TP63: variants seen among roughly 807,000 people sequenced by gnomAD.
The protein encoded by TP63 is tumor protein 63.
A neutral mutation model predicts 82.8 loss-of-function variants in TP63; 17 were observed. That is an observed-to-expected ratio of 0.21 (90% CI 0.14 to 0.31). The LOEUF is 0.31. TP63 is among the 10% of genes least tolerant of loss of function. TP63 has a pLI of 1.00. For synonymous variants in TP63, 330 were observed against 321.7 expected (o/e 1.03, Z -0.28); for missense variants, 648 against 895.3 (o/e 0.72, Z 3.52).
At chr3:189,694,824 G>T (rs79224093) in intron 1 of TP63, among the ~76,000 whole-genome samples, 3 of 21,238 alleles carry the variant, frequency 1.4e-4, no homozygotes, top group South Asian at 1.5e-3. Flanking sequence ...TTTTTTTTTT[G>T]AGACAGAGTC....
At chr3:189,691,874 G>T (rs79931736) in intron 1 of TP63, among the ~76,000 whole-genome samples, 1 of 152,024 alleles carries the variant, frequency 6.6e-6, no homozygotes, top group African/African-American at 2.4e-5. Flanking sequence ...ATAGAATATC[G>T]TACCTAGAAC....
At chr3:189,839,040 T>TAAAAAAAAAAAAAA (rs5855274) in intron 4 of TP63, among the ~76,000 whole-genome samples, 34 of 88,568 alleles carry the variant, frequency 3.8e-4, no homozygotes, top group African/African-American at 8.6e-4. Flanking sequence ...TATCCTAAGC[T>TAAAAAAAAAAAAAA]AAAAAAAAAA....
intron 4 of TP63, among the ~76,000 whole-genome samples, chr3:189,854,382 C>G (rs781414248): frequency 2.6e-5 from 4 of 152,074 alleles, no homozygotes; most frequent in Non-Finnish European, 4.4e-5. Context: ...AGACATGTGC[C>G]ACCACGCCCA....
chr3:189,714,805 T>G (rs1718841103), intron 1 of TP63, among the ~76,000 whole-genome samples: 1 of 152,168 alleles, frequency 6.6e-6, no homozygotes, highest in African/African-American at 2.4e-5. Flanking sequence ...GACATACATG[T>G]ACACATTCAT....
chr3:189,683,631 A>G, intron 1 of TP63, among the ~76,000 whole-genome samples: 1 of 152,178 alleles, frequency 6.6e-6, no homozygotes, highest in East Asian at 1.9e-4. Context: ...TATCATATTT[A>G]GCATATTGAA....
At chr3:189,698,733 CATT>C (rs1717581227) in intron 1 of TP63, among the ~76,000 whole-genome samples, 1 of 152,124 alleles carries the variant, frequency 6.6e-6, no homozygotes, top group Non-Finnish European at 1.5e-5. Context: ...TTCTTTAGCT[CATT>C]GTTGTTCACA....
At chr3:189,774,217 C>T (rs1016825996) in intron 3 of TP63, among the ~76,000 whole-genome samples, 10 of 152,058 alleles carry the variant, frequency 6.6e-5, no homozygotes, top group Non-Finnish European at 1.2e-4. Flanking sequence ...CCACCACGCC[C>T]GGCCGTATTC....
chr3:189,757,996 A>G (rs1437742435), intron 3 of TP63, among the ~76,000 whole-genome samples: 1 of 152,172 alleles, frequency 6.6e-6, no homozygotes, highest in East Asian at 1.9e-4. Flanking sequence ...ATGACCTTCT[A>G]GGAACATTCA....
intron 1 of TP63, among the ~76,000 whole-genome samples, chr3:189,729,842 T>C (rs1394307344): frequency 6.6e-6 from 1 of 152,218 alleles, no homozygotes; most frequent in Non-Finnish European, 1.5e-5. Context: ...TCCAGGGTCC[T>C]TGGGCACTGT....
At chr3:189,848,239 T>TTCTTCTCTCTCTCTCTCTCTC in intron 4 of TP63, among the ~76,000 whole-genome samples, 1 of 96,026 alleles carries the variant, frequency 1.0e-5, no homozygotes, top group South Asian at 4.2e-4. Flanking sequence ...CTCCTCCTCC[T>TTCTTCTCTCTCTCTCTCTCTC]TCTCTCTCTC....
the TP63 span, among the ~76,000 whole-genome samples, chr3:189,612,942 A>G: frequency 6.6e-6 from 1 of 152,242 alleles, no homozygotes; most frequent in East Asian, 1.9e-4. Context: ...GCAGCAAAGC[A>G]TTCAAGAGGT....
the TP63 span, among the ~76,000 whole-genome samples, chr3:189,625,785 T>C: frequency 4.6e-5 from 7 of 151,840 alleles, no homozygotes; most frequent in African/African-American, 1.5e-4. Context: ...AAAGGAGGGG[T>C]GGGAGTGAGG....
intron 1 of TP63, among the ~76,000 whole-genome samples, chr3:189,716,694 C>A (rs548924731): frequency 6.6e-6 from 1 of 152,258 alleles, no homozygotes; most frequent in South Asian, 2.1e-4. Context: ...CAGTTGCATT[C>A]TTTTTCCCCT....
chr3:189,798,200 G>A (rs1292255160), intron 3 of TP63, among the ~76,000 whole-genome samples: 1 of 152,014 alleles, frequency 6.6e-6, no homozygotes, highest in African/African-American at 2.4e-5. Context: ...TACTTAAAAG[G>A]CTGTTTGTAA....
At chr3:189,868,503 TG>T in intron 7 of TP63, 76 bp from the exon 8 acceptor site, 1 of 1,585,636 alleles carries the variant, frequency 6.3e-7, no homozygotes, top group African/African-American at 1.3e-5. Context: ...ATATGGGAAG[TG>T]GAAGTGGTAG....
At chr3:189,711,336 G>A (rs1488904738) in intron 1 of TP63, among the ~76,000 whole-genome samples, 1 of 152,168 alleles carries the variant, frequency 6.6e-6, no homozygotes, top group African/African-American at 2.4e-5. Context: ...TGTGTACAAG[G>A]TCCTGTGCTG....
chr3:189,702,630 A>G (rs577838588), intron 1 of TP63, among the ~76,000 whole-genome samples: 1 of 152,332 alleles, frequency 6.6e-6, no homozygotes, highest in Admixed American at 6.5e-5. Flanking sequence ...AGCCAGAGGG[A>G]AAAGTTGAGG....
At chr3:189,682,543 AAAAAAAAAAAATAT>A (rs1362149514) in intron 1 of TP63, among the ~76,000 whole-genome samples, 2 of 23,986 alleles carry the variant, frequency 8.3e-5, no homozygotes, top group African/African-American at 1.5e-4. Context: ...GGGGAAAAAA[AAAAAAAAAAAATAT>A]ATATATATAT....
At chr3:189,714,163 ATG>A (rs1718794370) in intron 1 of TP63, among the ~76,000 whole-genome samples, 1 of 151,976 alleles carries the variant, frequency 6.6e-6, no homozygotes, top group Admixed American at 6.6e-5. Flanking sequence ...ATGTGTATGT[ATG>A]TGTGTGTGAT....
Sources: allele counts gnomAD v4.1 joint callset (sites outside exome capture counted in the v4.1 genomes callset), GRCh38; gene constraint gnomAD v4.1.1; transcripts MANE v1.5; gene names NCBI Gene and HGNC (gene_info 2026-07-23, HGNC 2026-07-21).